NR3C1: variants seen among roughly 807,000 people sequenced by gnomAD.
NR3C1 encodes the protein glucocorticoid receptor.
In NR3C1, 14 loss-of-function variants were observed where a neutral mutation model predicts 74.0. The observed-to-expected ratio is 0.19, with a 90% confidence interval of 0.12 to 0.30. The LOEUF is 0.30. Among genes scored for constraint, NR3C1 ranks in the 10% least tolerant of loss-of-function variants. The pLI, the probability that NR3C1 is intolerant of heterozygous loss-of-function variation, is 1.00. For missense variants in NR3C1, 695 were observed against 909.8 expected (o/e 0.76, Z 3.04); for synonymous variants, 308 against 332.5 (o/e 0.93, Z 0.80).
chr5:143,347,661 A>C (rs1249085977), intron 2 of NR3C1, among the ~76,000 whole-genome samples: 1 of 152,234 alleles, frequency 6.6e-6, no homozygotes, highest in Non-Finnish European at 1.5e-5. Context: ...CCCAGTAAAG[A>C]CTATAAAATC....
intron 2 of NR3C1, among the ~76,000 whole-genome samples, chr5:143,376,774 G>A (rs1158173895): frequency 2.6e-5 from 4 of 152,146 alleles, no homozygotes; most frequent in Non-Finnish European, 5.9e-5. Flanking sequence ...ACAGAAATCC[G>A]TATTTTTCTT....
chr5:143,420,474 C>T (rs13173940), intron 1 of NR3C1, among the ~76,000 whole-genome samples: 27,634 of 152,116 alleles, frequency 0.18, 2,709 homozygotes, highest in Middle Eastern at 0.35. Context: ...CTGGTCCCTC[C>T]GTTTGGGGTC....
In NR3C1 at chr5:143,300,637, A is replaced by G; in HGVS notation, c.1595T>C (p.Leu532Pro). 6.2e-7 allele frequency: 1 copy of G among 1,614,184 alleles called. No individual in the cohort carries two copies. The highest frequency in any genetic ancestry group is 8.5e-7 in the Non-Finnish European group (1 of 1,180,012). The change falls in exon 5 of 9, where the codon CTG becomes CCG. Residue 532 changes from leucine to proline, a missense_variant. Coordinates refer to ENST00000394464, the MANE Select transcript of NR3C1 (RefSeq NM_000176.3). The surrounding 1 kb of genome is among the most constrained non-coding windows in gnomAD (Gnocchi z 5.2). ...PATLPQLTPTLVSLLEVIEPE... is the reference protein window; with the variant it reads ...PATLPQLTPTPVSLLEVIEPE... ...TTCAATAACCTCCAACAGTGACACC[A>G]GGGTAGGGGTGAGTTGTGGTAACGT...
Position 143,291,019 on chromosome 5 carries a change from T to C in NR3C1, c.2023+4441A>G, listed in dbSNP as rs575468084. Among the ~76,000 whole-genome samples the C allele has an allele frequency of 3.3e-5, 5 of 152,298 alleles. No individual in the cohort carries two copies. In the East Asian group the frequency reaches 9.6e-4, roughly 29 times the overall value. ...TCTTTTGGATTGTTTTTCTTAGGTATTCTCTTCCCCCAATGGTTTGGTACT... is the reference window on the plus strand; with the variant it reads ...TCTTTTGGATTGTTTTTCTTAGGTACTCTCTTCCCCCAATGGTTTGGTACT... On this transcript the variant is annotated intron_variant, in intron 7 of 8. Transcript: ENST00000394464.
intron 2 of NR3C1, 22 bp from the exon 3 acceptor site, chr5:143,314,190 G>C: frequency 3.1e-6 from 5 of 1,611,726 alleles, no homozygotes; most frequent in East Asian, 2.2e-5. Context: ...GAAGAACAGT[G>C]TTATGATTTA....
intron 1 of NR3C1, among the ~76,000 whole-genome samples, chr5:143,421,199 A>G (rs932730534): frequency 2.6e-5 from 4 of 152,150 alleles, no homozygotes; most frequent in African/African-American, 7.2e-5. Context: ...CCTCTGGAGG[A>G]GAGTGCTAAG....
At chr5:143,409,238 T>C (rs962542250) in intron 1 of NR3C1, 1 of 152,192 alleles carries the variant, frequency 6.6e-6, no homozygotes, top group African/African-American at 2.4e-5. Flanking sequence ...TGTTACACGA[T>C]TCTGTTAAAG....
At position 143,402,644 on chromosome 5, in the gene NR3C1, C is replaced by T. The variant is rs1840521277; in HGVS notation, c.-14+567G>A. 1.1e-5 allele frequency: 11 copies of T among 985,444 alleles called. No individual in the cohort carries two copies. In the South Asian group the frequency reaches 3.8e-4, roughly 34 times the overall value. The allele number at this position is 985,444 out of a possible 1,614,324, so 61.0% of individuals were successfully genotyped here. On this transcript the variant is annotated intron_variant, in intron 1 of 8. Transcript: ENST00000394464. ...CGACACGCCCACTTCTAACAGATAA[C>T]GCCGGCCCCGGCCGCAGTCTCCAAG...
At chr5:143,384,844 C>G (rs1360779508) in intron 2 of NR3C1, among the ~76,000 whole-genome samples, 1 of 152,220 alleles carries the variant, frequency 6.6e-6, no homozygotes, top group Non-Finnish European at 1.5e-5. Flanking sequence ...GATGGTATCC[C>G]TCTTCTCACG....
intron 2 of NR3C1, among the ~76,000 whole-genome samples, chr5:143,343,931 A>AT (rs1412675070): frequency 6.6e-6 from 1 of 152,198 alleles, no homozygotes; most frequent in Non-Finnish European, 1.5e-5. Context: ...CATTCACTCA[A>AT]TTTTTTGTCA....
intron 1 of NR3C1, among the ~76,000 whole-genome samples, chr5:143,416,779 G>A (rs1452061922): frequency 1.3e-5 from 2 of 152,170 alleles, no homozygotes; most frequent in East Asian, 3.8e-4. Context: ...CCAGTTGAAT[G>A]TCTAAAAATA....
chr5:143,320,795 C>G (rs1416380661), intron 2 of NR3C1, among the ~76,000 whole-genome samples: 3 of 152,172 alleles, frequency 2.0e-5, no homozygotes, highest in African/African-American at 7.2e-5. Flanking sequence ...AACTTACTTC[C>G]TAACAGCTGT....
intron 2 of NR3C1, among the ~76,000 whole-genome samples, chr5:143,351,366 G>A (rs1289458208): frequency 1.3e-5 from 2 of 151,946 alleles, no homozygotes; most frequent in Non-Finnish European, 2.9e-5. Context: ...CAGCCATATC[G>A]CCCACATTCC....
chr5:143,302,802 A>G (rs1818785926), intron 4 of NR3C1, among the ~76,000 whole-genome samples: 1 of 152,094 alleles, frequency 6.6e-6, no homozygotes, highest in Admixed American at 6.5e-5. Context: ...TGAATCATTT[A>G]GTTAAGCAAT....
chr5:143,362,639 G>T (rs2151826172), intron 2 of NR3C1, among the ~76,000 whole-genome samples: 1 of 152,196 alleles, frequency 6.6e-6, no homozygotes, highest in South Asian at 2.1e-4. Context: ...GGGATTACAG[G>T]TGTGAGCCAC....
chr5:143,401,134 C>T (rs1840194851), intron 1 of NR3C1: 2 of 438,856 alleles, frequency 4.6e-6, no homozygotes, highest in African/African-American at 4.0e-5. Context: ...CTGCCGCTCA[C>T]TGAACGTGTA....
At chr5:143,403,084 C>T in intron 1 of NR3C1, 127 bp downstream of exon 1, 1 of 815,486 alleles carries the variant, frequency 1.2e-6, no homozygotes, top group Non-Finnish European at 1.5e-6. Context: ...TTGCCAGCCC[C>T]CCACCCCCAC....
chr5:143,291,516 G>A (rs907012709), intron 7 of NR3C1, among the ~76,000 whole-genome samples: 1 of 73,984 alleles, frequency 1.4e-5, no homozygotes, highest in African/African-American at 3.9e-5. Flanking sequence ...GAGCCACCAC[G>A]CCTGGCTGGG....
At chr5:143,429,045 C>G (rs550948732) in intron 1 of NR3C1, among the ~76,000 whole-genome samples, 1 of 152,268 alleles carries the variant, frequency 6.6e-6, no homozygotes, top group Non-Finnish European at 1.5e-5. Context: ...GAACATGAAA[C>G]GGGAAGCTGA....
Sources: allele counts gnomAD v4.1 joint callset (sites outside exome capture counted in the v4.1 genomes callset), GRCh38; gene constraint gnomAD v4.1.1; non-coding constraint Gnocchi (gnomAD v3.1); transcripts MANE v1.5; gene names NCBI Gene and HGNC (gene_info 2026-07-23, HGNC 2026-07-21).